MT3: variants seen among roughly 807,000 people sequenced by gnomAD.
MT3 encodes the protein metallothionein 3.
A neutral mutation model predicts 10.9 loss-of-function variants in MT3; 8 were observed. That is an observed-to-expected ratio of 0.73 (90% CI 0.43 to 1.33). The LOEUF (loss-of-function observed/expected upper bound fraction) is 1.33. MT3 is among the 40% of genes most tolerant of loss of function. MT3 has a pLI of 0.01. For missense variants in MT3, 75 were observed against 83.9 expected, an observed-to-expected ratio of 0.89 and a Z score of 0.41; for synonymous variants, 32 against 29.9, an observed-to-expected ratio of 1.07 and a Z score of -0.23.
chr16:56,590,802 G>A, intron 2 of MT3, 38 bp from the exon 3 acceptor site: 1 of 1,589,336 alleles, frequency 6.3e-7, no homozygotes. Context: ...TTGGGGGAGT[G>A]TGCATCAGAG....
chr16:56,590,938 T>A lies in MT3; in HGVS notation c.196T>A (p.Cys66Ser), dbSNP rs1377551776. Residue 66 changes from cysteine (C) to serine (S), a missense_variant, in exon 3 of 3, where the codon TGC becomes AGC. Transcript: ENST00000200691. Reference sequence around the variant, plus strand: ...TGAGGCAGAAGCAGAGAAGTGCAGCTGCTGCCAGTGAGAAGGCACCCCTCC... The same window carrying A: ...TGAGGCAGAAGCAGAGAAGTGCAGCAGCTGCCAGTGAGAAGGCACCCCTCC... ...AAEAEAEKCS[C>S]CQ 6 of 1,613,250 alleles carry A rather than the reference T, an allele frequency of 3.7e-6. No homozygotes were observed. Among genetic ancestry groups the A allele is most frequent in the Non-Finnish European group, 5.1e-6 (6 of 1,179,838 alleles).
chr16:56,590,487 C>G, intron 2 of MT3: 1 of 434,340 alleles, frequency 2.3e-6, no homozygotes, highest in South Asian at 2.9e-5. Context: ...CTGCCCCTCC[C>G]AAGTTTATCC....
intron 2 of MT3, chr16:56,590,547 G>A (rs1215967998): frequency 6.1e-6 from 3 of 492,282 alleles, no homozygotes; most frequent in Non-Finnish European, 1.1e-5. Flanking sequence ...TCTCCTTAAG[G>A]CCTAGTACCC....
rs1959815357 is a variant in MT3 at position 56,590,979 on chromosome 16, A to C, written c.*30A>C. On this transcript the variant is annotated 3_prime_UTR_variant, in exon 3 of 3. Coordinates refer to ENST00000200691, the MANE Select transcript of MT3 (RefSeq NM_005954.4). ...GCACCCCTCCGTGTGGAGCACGTGG[A>C]GATAGTGCCAGGTGGCTCAGTGCCA... 6.3e-7 allele frequency: 1 copy of C among 1,592,524 alleles called. No homozygotes were observed. The highest frequency in any genetic ancestry group is 8.6e-7 in the Non-Finnish European group (1 of 1,166,192).
chr16:56,589,967 G>GCC, intron 2 of MT3, 32 bp downstream of exon 2: 6 of 1,608,474 alleles, frequency 3.7e-6, no homozygotes, highest in Non-Finnish European at 5.1e-6. Flanking sequence ...CTCTGCCGCC[G>GCC]CCCCCTCTGC....
In MT3 at chr16:56,589,576, G is replaced by C. The variant is rs770974726; in HGVS notation, c.-15G>C. On this transcript the variant is annotated 5_prime_UTR_variant, in exon 1 of 3. Transcript: ENST00000200691. Reference sequence around the variant, plus strand: ...AGAAGCCCGTTCACCGCCTCCAGCTGCTGCTCTCCTCGACATGGACCCTGA... The same window carrying C: ...AGAAGCCCGTTCACCGCCTCCAGCTCCTGCTCTCCTCGACATGGACCCTGA... 8.3e-6 allele frequency: 13 copies of C among 1,566,348 alleles called. No individual in the cohort carries two copies. In the East Asian group the frequency reaches 2.5e-4, roughly 30 times the overall value.
rs781226332 is a variant in MT3, at chr16:56,589,845, C to T, written c.32-25C>T. The T allele has an allele frequency of 2.7e-5, 43 of 1,613,442 alleles. No homozygotes were observed. In the African/African-American group the frequency reaches 5.3e-4, roughly 20 times the overall value. On this transcript the variant is annotated intron_variant, in intron 1 of 2. Transcript: ENST00000200691. ...GGACCCGAGTTCGTCCACATTAACC[C>T]TTCCTGTGGCGTCGCCCTCTCTAGG...
chr16:56,590,468 G>A (rs1417107048), intron 2 of MT3: 2 of 445,202 alleles, frequency 4.5e-6, no homozygotes, highest in South Asian at 2.8e-5. Flanking sequence ...CCTTACATCT[G>A]CACCATATCT....
chr16:56,590,792 T>C (rs1206458284), intron 2 of MT3, 48 bp from the exon 3 acceptor site: 9 of 1,559,646 alleles, frequency 5.8e-6, no homozygotes, highest in South Asian at 2.3e-5. Context: ...TGGGGACGAA[T>C]TGGGGGAGTG....
In MT3 at chr16:56,589,536, C is replaced by A. The variant is rs753170471; in HGVS notation, c.-55C>A. The A allele has an allele frequency of 7.2e-6, 11 of 1,517,504 alleles. No homozygotes were observed. Among genetic ancestry groups the A allele is most frequent in the Non-Finnish European group, 9.7e-6 (11 of 1,136,010 alleles). The allele number at this position is 1,517,504 out of a possible 1,614,324, so 94.0% of individuals were successfully genotyped here. ...ACCTGCTGCCACTAGCCAAGCCGCGCGTCCAGTTGCTTGGAGAAGCCCGTT... is the reference window on the plus strand; with the variant it reads ...ACCTGCTGCCACTAGCCAAGCCGCGAGTCCAGTTGCTTGGAGAAGCCCGTT... On this transcript the variant is annotated 5_prime_UTR_variant, in exon 1 of 3. Coordinates refer to ENST00000200691, the MANE Select transcript of MT3 (RefSeq NM_005954.4).
intron 2 of MT3, chr16:56,590,182 GA>G: frequency 1.5e-6 from 1 of 661,654 alleles, no homozygotes; most frequent in South Asian, 1.6e-5. Flanking sequence ...AGCTGGGATT[GA>G]GGACTGCCAC....
In MT3 at chr16:56,590,753, C is replaced by A. The variant is rs1959811958; in HGVS notation, c.98-87C>A. ...CTGGCTGAATGAACCAGGATGACTC[C>A]CCACCCAGCACCCTTCCCTCCCCTT... On this transcript the variant is annotated intron_variant, in intron 2 of 2. Transcript: ENST00000200691. The A allele has an allele frequency of 1.1e-5, 15 of 1,348,734 alleles. No homozygotes were observed. The Admixed American group carries it at 3.0e-4, about 27-fold the overall frequency. 83.5% of individuals were successfully genotyped at this position (1,348,734 alleles called of 1,614,324 possible). A position where few individuals can be genotyped will look rare whatever the true frequency, so the allele number is the denominator to read the frequency against.
rs552814864 is a variant in MT3, at chr16:56,590,696, G to C, written c.98-144G>C. The stretch of plus-strand genomic sequence containing the variant: ...CGACATAGATGCTGAGTCAAAGCAG[G>C]TGTGAGACTAAGAAGGGGGCTGCGA... On this transcript the variant is annotated intron_variant, in intron 2 of 2. Coordinates refer to ENST00000200691, the MANE Select transcript of MT3 (RefSeq NM_005954.4). 9.7e-6 allele frequency: 7 copies of C among 724,014 alleles called. No individual in the cohort carries two copies. The African/African-American group carries it at 1.0e-4, about 11-fold the overall frequency. The allele number at this position is 724,014 out of a possible 1,614,324, so 44.8% of individuals were successfully genotyped here.
chr16:56,590,131 G>A (rs1280163176), intron 2 of MT3, 196 bp downstream of exon 2: 31 of 709,342 alleles, frequency 4.4e-5, no homozygotes, highest in Non-Finnish European at 6.4e-5. Context: ...CCTAGGCGTG[G>A]GACGAGAGGT....
At chr16:56,590,010 T>C (rs1959803536) in intron 2 of MT3, 75 bp downstream of exon 2, 1 of 1,510,468 alleles carries the variant, frequency 6.6e-7, no homozygotes. Context: ...ACGCAGGATG[T>C]GGAGAGACAG....
chr16:56,590,729 TG>T, intron 2 of MT3, 110 bp from the exon 3 acceptor site: 1 of 1,056,754 alleles, frequency 9.5e-7, no homozygotes, highest in Non-Finnish European at 1.4e-6. Context: ...CGACTAGCCC[TG>T]GCTGAATGAA....
chr16:56,590,926 G>C lies in MT3; in HGVS notation c.184G>C (p.Glu62Gln), dbSNP rs1959814601. Reference protein sequence around the residue: ...KGGEAAEAEAEKCSCCQ With the variant: ...KGGEAAEAEAQKCSCCQ ...CGGAGAGGCAGCTGAGGCAGAAGCA[G>C]AGAAGTGCAGCTGCTGCCAGTGAGA... is the stretch of plus-strand genomic sequence containing the variant. The change falls in exon 3 of 3, where the codon GAG becomes CAG. Residue 62 changes from glutamate (E) to glutamine (Q), a missense_variant. Transcript: ENST00000200691. 1 of 1,613,820 alleles carries C rather than the reference G, an allele frequency of 6.2e-7. No homozygotes were observed.
At position 56,590,935 on chromosome 16, in the gene MT3, A is replaced by G; in HGVS notation, c.193A>G (p.Ser65Gly). ...EAAEAEAEKC[S>G]CCQ ...AGCTGAGGCAGAAGCAGAGAAGTGC[A>G]GCTGCTGCCAGTGAGAAGGCACCCC... Residue 65 changes from serine to glycine, a missense_variant, in exon 3 of 3, where the codon AGC becomes GGC. Transcript: ENST00000200691. 1 of 1,613,306 alleles carries G rather than the reference A, an allele frequency of 6.2e-7. No homozygotes were observed. Among genetic ancestry groups the G allele is most frequent in the Non-Finnish European group, 8.5e-7 (1 of 1,179,778 alleles).
chr16:56,591,067 A>G lies in MT3; in HGVS notation c.*118A>G, dbSNP rs537309913. 5.0e-6 allele frequency: 4 copies of G among 797,236 alleles called. No homozygotes were observed. Among genetic ancestry groups the G allele is most frequent in the African/African-American group, 1.7e-5 (1 of 59,106 alleles). 49.4% of individuals were successfully genotyped at this position (797,236 alleles called of 1,614,324 possible). ...CCCTGCTGACCTTGGAGGAATGACA[A>G]TAAATCCCATGAACAGCATGAGCCA... On this transcript the variant is annotated 3_prime_UTR_variant, in exon 3 of 3. Coordinates refer to ENST00000200691, the MANE Select transcript of MT3 (RefSeq NM_005954.4).
Sources: gnomAD v4.1 joint callset for allele counts on GRCh38, gnomAD v4.1.1 for gene constraint, MANE v1.5 for transcripts, NCBI Gene and HGNC (gene_info 2026-07-23, HGNC 2026-07-21) for gene names.